The following EBF2 variants were observed in gnomAD, a reference collection of about 807,000 sequenced individuals.
The protein encoded by EBF2 is EBF transcription factor 2, also known as transcription factor COE2.
EBF2 carries 21 observed loss-of-function variants against 72.8 expected under a neutral mutation model. The observed-to-expected ratio is 0.29, with a 90% CI of 0.20 to 0.42. The LOEUF (loss-of-function observed/expected upper bound fraction) is 0.42, where lower values mean the gene tolerates loss of function less well. Among genes scored for constraint, EBF2 ranks in the 10% least tolerant of loss-of-function variants. The pLI is 1.00. For missense variants in EBF2, 637 were observed against 731.2 expected (o/e 0.87, Z 1.49); for synonymous variants, 299 against 274.2 (o/e 1.09, Z -0.89).
intron 6 of EBF2, among the ~76,000 whole-genome samples, chr8:25,911,373 G>A (rs1264156390): frequency 2.0e-5 from 3 of 152,202 alleles, no homozygotes; most frequent in Non-Finnish European, 2.9e-5. Context: ...TTCCTTAAGA[G>A]CGAACACTAA....
At chr8:25,980,494 C>T (rs1199010951) in intron 6 of EBF2, among the ~76,000 whole-genome samples, 23 of 152,106 alleles carry the variant, frequency 1.5e-4, no homozygotes. Flanking sequence ...CACAAGGTCC[C>T]CCAGTGGCCT....
chr8:26,041,358 C>T (rs1805596618), intron 2 of EBF2: 1 of 280,710 alleles, frequency 3.6e-6, no homozygotes, highest in Non-Finnish European at 6.8e-6. Context: ...CCCAAGGCTT[C>T]CCTTGGCAGA....
chr8:25,892,222 A>G (rs912839565), intron 7 of EBF2, among the ~76,000 whole-genome samples: 2 of 152,266 alleles, frequency 1.3e-5, no homozygotes, highest in Non-Finnish European at 2.9e-5. Flanking sequence ...TTATAAAAAG[A>G]TATTGAAATA....
chr8:25,916,318 A>C (rs2117129262), intron 6 of EBF2, among the ~76,000 whole-genome samples: 1 of 152,028 alleles, frequency 6.6e-6, no homozygotes, highest in Admixed American at 6.5e-5. Context: ...AACCCAAAAA[A>C]AACAAAAAAC....
chr8:25,858,601 T>G, intron 13 of EBF2, 97 bp from the exon 14 acceptor site: 1 of 1,186,634 alleles, frequency 8.4e-7, no homozygotes, highest in Non-Finnish European at 1.2e-6. Context: ...GACTGCAGAA[T>G]GTCACCAGCT....
intron 6 of EBF2, among the ~76,000 whole-genome samples, chr8:25,992,675 G>T (rs922016600): frequency 6.6e-6 from 1 of 151,882 alleles, no homozygotes; most frequent in Non-Finnish European, 1.5e-5. Context: ...GGCCAAGGCA[G>T]GCAAATTGCT....
intron 14 of EBF2, among the ~76,000 whole-genome samples, chr8:25,857,281 G>T (rs571473693): frequency 6.6e-6 from 1 of 151,964 alleles, no homozygotes; most frequent in African/African-American, 2.4e-5. Flanking sequence ...TGTATGCATT[G>T]AACTGATAAT....
intron 13 of EBF2, 149 bp from the exon 14 acceptor site, chr8:25,858,653 T>A (rs1422124578): frequency 2.5e-5 from 2 of 79,126 alleles, no homozygotes; most frequent in Non-Finnish European, 2.1e-5. Context: ...ATCTTTAGCT[T>A]TTTTTTTTTT....
At chr8:25,858,011 C>T (rs1676199800) in intron 14 of EBF2, 1 of 513,268 alleles carries the variant, frequency 1.9e-6, no homozygotes, top group Non-Finnish European at 3.7e-6. Context: ...CCTAAGAGCA[C>T]ACATATTGTT....
chr8:25,943,151 A>T (rs1329602777), intron 6 of EBF2, among the ~76,000 whole-genome samples: 1 of 152,062 alleles, frequency 6.6e-6, no homozygotes, highest in Non-Finnish European at 1.5e-5. Context: ...GAAACTTCAG[A>T]GGCCACCTAG....
chr8:26,010,538 G>A (rs760431629), intron 6 of EBF2, among the ~76,000 whole-genome samples: 2 of 152,126 alleles, frequency 1.3e-5, no homozygotes, highest in Non-Finnish European at 2.9e-5. Flanking sequence ...GCGGTCACCC[G>A]TTCCCGGCAG....
intron 6 of EBF2, among the ~76,000 whole-genome samples, chr8:25,996,908 C>G (rs1298882885): frequency 6.6e-6 from 1 of 152,100 alleles, no homozygotes; most frequent in Admixed American, 6.5e-5. Flanking sequence ...TACGTATAAT[C>G]ATGTGCTAAT....
At chr8:25,909,642 G>C (rs979191269) in intron 6 of EBF2, among the ~76,000 whole-genome samples, 1 of 152,160 alleles carries the variant, frequency 6.6e-6, no homozygotes, top group African/African-American at 2.4e-5. Flanking sequence ...CTAAAGCAAT[G>C]GTTGGTGAAA....
intron 6 of EBF2, among the ~76,000 whole-genome samples, chr8:26,015,900 C>A (rs1805104495): frequency 6.6e-6 from 1 of 152,190 alleles, no homozygotes; most frequent in African/African-American, 2.4e-5. Flanking sequence ...GGTGCCTCCC[C>A]AGCACCACAA....
At chr8:25,993,429 A>T (rs923345151) in intron 6 of EBF2, among the ~76,000 whole-genome samples, 3 of 152,210 alleles carry the variant, frequency 2.0e-5, no homozygotes, top group African/African-American at 7.2e-5. Context: ...TAAAGGAAAG[A>T]TGTTCATAGC....
At chr8:25,968,211 AG>A (rs977957466) in intron 6 of EBF2, among the ~76,000 whole-genome samples, 2 of 152,176 alleles carry the variant, frequency 1.3e-5, no homozygotes, top group African/African-American at 4.8e-5. Flanking sequence ...AACTGGAAGC[AG>A]GGTTTGAAGA....
intron 6 of EBF2, among the ~76,000 whole-genome samples, chr8:26,004,643 C>G (rs1437350994): frequency 7.2e-6 from 1 of 138,064 alleles, no homozygotes; most frequent in Non-Finnish European, 1.5e-5. Flanking sequence ...CCACTGCACT[C>G]CAGCCTGGGT....
intron 6 of EBF2, among the ~76,000 whole-genome samples, chr8:25,951,680 A>C (rs552964902): frequency 2.4e-4 from 37 of 152,296 alleles, no homozygotes; most frequent in African/African-American, 7.9e-4. Context: ...AGCTAAGGGT[A>C]TATTGTTAAA....
chr8:25,950,020 T>A (rs1803832002), intron 6 of EBF2, among the ~76,000 whole-genome samples: 1 of 152,224 alleles, frequency 6.6e-6, no homozygotes, highest in Non-Finnish European at 1.5e-5. Context: ...GGGATTCTAC[T>A]TGAGGAAGAC....
Sources: allele counts gnomAD v4.1 joint callset (sites outside exome capture counted in the v4.1 genomes callset), GRCh38; gene constraint gnomAD v4.1.1; transcripts MANE v1.5; gene names NCBI Gene and HGNC (gene_info 2026-07-23, HGNC 2026-07-21).